IL1RAPL1: variants seen among roughly 807,000 people sequenced by gnomAD.
IL1RAPL1 encodes interleukin-1 receptor accessory protein-like 1.
In IL1RAPL1, 3 loss-of-function variants were observed where a neutral mutation model predicts 48.4. The ratio of observed to expected loss-of-function variants is 0.06; its 90% CI spans 0.03 to 0.16. IL1RAPL1 has a LOEUF of 0.16. Among genes scored for constraint, IL1RAPL1 ranks in the 10% least tolerant of loss-of-function variants. IL1RAPL1 has a pLI of 1.00. For synonymous variants in IL1RAPL1, 185 were observed against 187.7 expected (o/e 0.99, Z 0.12); for missense variants, 349 against 530.6 (o/e 0.66, Z 3.36).
chrX:29,161,161 G>C (rs966970769), intron 2 of IL1RAPL1, among the ~76,000 whole-genome samples: 5 of 111,437 alleles, frequency 4.5e-5, no homozygotes, highest in African/African-American at 1.6e-4. Context: ...GGAGGAAAAA[G>C]GGCTGACCAT....
At chrX:29,326,985 A>G (rs142165116) in intron 3 of IL1RAPL1, among the ~76,000 whole-genome samples, 1,607 of 112,066 alleles carry the variant, frequency 0.014, 26 homozygotes, top group African/African-American at 0.05. Context: ...AGAAGGTTGT[A>G]TGTAATCTGA....
chrX:29,138,310 A>G (rs1929171793), intron 2 of IL1RAPL1, among the ~76,000 whole-genome samples: 1 of 112,331 alleles, frequency 8.9e-6, no homozygotes, highest in South Asian at 3.6e-4. Context: ...ACTACAAAAA[A>G]ATGTCAGTGA....
chrX:29,936,558 C>G (rs1383661270), intron 8 of IL1RAPL1, among the ~76,000 whole-genome samples: 1 of 102,090 alleles, frequency 9.8e-6, no homozygotes, highest in African/African-American at 3.8e-5. Flanking sequence ...CACACACACA[C>G]AGATCAAATA....
intron 2 of IL1RAPL1, among the ~76,000 whole-genome samples, chrX:28,913,431 T>C (rs1418036091): frequency 1.8e-5 from 2 of 112,067 alleles, no homozygotes; most frequent in African/African-American, 6.5e-5. Flanking sequence ...GAAAGGTATT[T>C]CAGTTTCAAT....
At chrX:29,925,410 C>CTTT (rs1569204989) in intron 8 of IL1RAPL1, among the ~76,000 whole-genome samples, 6 of 6,074 alleles carry the variant, frequency 9.9e-4, no homozygotes, top group African/African-American at 2.2e-3. Flanking sequence ...TGTCCCGTAA[C>CTTT]TGTTTTTTTT....
intron 1 of IL1RAPL1, among the ~76,000 whole-genome samples, chrX:28,664,213 G>A (rs766133949): frequency 5.3e-5 from 6 of 112,247 alleles, no homozygotes; most frequent in Non-Finnish European, 1.1e-4. Flanking sequence ...GGAGCATCAT[G>A]ATTTTTGCAT....
At chrX:29,828,344 A>G (rs1389774127) in intron 6 of IL1RAPL1, among the ~76,000 whole-genome samples, 1 of 112,157 alleles carries the variant, frequency 8.9e-6, no homozygotes, top group African/African-American at 3.2e-5. Context: ...GCTGACCTTT[A>G]GAGACTAGAT....
chrX:28,931,464 C>A (rs776065470), intron 2 of IL1RAPL1, among the ~76,000 whole-genome samples: 1 of 111,883 alleles, frequency 8.9e-6, no homozygotes, highest in African/African-American at 3.2e-5. Context: ...TGAATATTTT[C>A]TTCCAAATTC....
intron 2 of IL1RAPL1, among the ~76,000 whole-genome samples, chrX:29,149,032 C>A (rs7879701): frequency 0.054 from 6,006 of 110,431 alleles, 174 homozygotes; most frequent in African/African-American, 0.11. Context: ...TTAGGGACAA[C>A]ACAAATAATC....
At chrX:28,832,438 T>C (rs1423790156) in intron 2 of IL1RAPL1, among the ~76,000 whole-genome samples, 1 of 111,599 alleles carries the variant, frequency 9.0e-6, no homozygotes, top group Non-Finnish European at 1.9e-5. Flanking sequence ...CCCCAAATTC[T>C]CTTTTCAGAA....
chrX:29,112,511 A>C (rs1308547988), intron 2 of IL1RAPL1, among the ~76,000 whole-genome samples: 1 of 105,667 alleles, frequency 9.5e-6, no homozygotes, highest in Non-Finnish European at 1.9e-5. Context: ...GTTTTCCATC[A>C]CTGCATATTG....
At chrX:29,487,464 A>G (rs1025443943) in intron 5 of IL1RAPL1, among the ~76,000 whole-genome samples, 4 of 111,798 alleles carry the variant, frequency 3.6e-5, no homozygotes, top group African/African-American at 9.8e-5. Context: ...TGGATCAGAT[A>G]TGTACAAGTG....
intron 2 of IL1RAPL1, among the ~76,000 whole-genome samples, chrX:28,913,408 G>T (rs1474109324): frequency 8.9e-6 from 1 of 111,786 alleles, no homozygotes; most frequent in South Asian, 3.7e-4. Context: ...ATGCTTAACA[G>T]TGTGTTGCCT....
chrX:29,614,364 A>C (rs73454503), intron 5 of IL1RAPL1, among the ~76,000 whole-genome samples: 18 of 112,376 alleles, frequency 1.6e-4, no homozygotes, highest in African/African-American at 4.8e-4. Context: ...AGTGAAAATA[A>C]AGATGAAATA....
At chrX:29,425,486 C>T (rs1340756851) in intron 5 of IL1RAPL1, among the ~76,000 whole-genome samples, 1 of 111,503 alleles carries the variant, frequency 9.0e-6, no homozygotes, top group Non-Finnish European at 1.9e-5. Flanking sequence ...GCCCAGGTTT[C>T]TCTGGTTCAT....
intron 1 of IL1RAPL1, among the ~76,000 whole-genome samples, chrX:28,617,146 G>A (rs1934230099): frequency 8.9e-6 from 1 of 111,933 alleles, no homozygotes; most frequent in Admixed American, 9.5e-5. Context: ...AAGGAACAGA[G>A]AATAGGAGCA....
intron 2 of IL1RAPL1, among the ~76,000 whole-genome samples, chrX:29,080,966 T>C (rs12008682): frequency 4.7e-5 from 2 of 42,242 alleles, no homozygotes; most frequent in Admixed American, 3.4e-4. Flanking sequence ...CTTTCTTTCT[T>C]TCTTTCTTTC....
intron 6 of IL1RAPL1, among the ~76,000 whole-genome samples, chrX:29,795,697 C>T (rs887912697): frequency 1.8e-5 from 2 of 113,172 alleles, no homozygotes; most frequent in South Asian, 3.6e-4. Context: ...AGGCATGAGC[C>T]GCTGGGGCTG....
At chrX:28,716,965 T>G (rs1935510817) in intron 1 of IL1RAPL1, among the ~76,000 whole-genome samples, 1 of 111,819 alleles carries the variant, frequency 8.9e-6, no homozygotes, top group South Asian at 3.8e-4. Flanking sequence ...AGATACCATC[T>G]CACACCAGTC....
Sources: allele counts gnomAD v4.1 joint callset (sites outside exome capture counted in the v4.1 genomes callset), GRCh38; gene constraint gnomAD v4.1.1; transcripts MANE v1.5; gene names NCBI Gene and HGNC (gene_info 2026-07-23, HGNC 2026-07-21).